The following N4BP2 variants were observed in gnomAD, a reference collection of about 807,000 sequenced individuals.
The protein encoded by N4BP2 is NEDD4-binding protein 2.
Under a neutral mutation model 152.8 loss-of-function variants are expected in N4BP2, and 91 were observed. The ratio of observed to expected loss-of-function variants is 0.60; its 90% confidence interval spans 0.50 to 0.71. N4BP2 has a LOEUF of 0.71. Ranked by LOEUF, N4BP2 falls within the 30% of genes least tolerant of loss-of-function variation. N4BP2 has a pLI of 0.00. For missense variants in N4BP2, 1,923 were observed against 2,059.1 expected, an observed-to-expected ratio of 0.93 and a Z score of 1.28; for synonymous variants, 646 against 705.3, an observed-to-expected ratio of 0.92 and a Z score of 1.33.
At chr4:40,088,381 C>T (rs772757020) in intron 2 of N4BP2, among the ~76,000 whole-genome samples, 2 of 152,090 alleles carry the variant, frequency 1.3e-5, no homozygotes, top group Non-Finnish European at 2.9e-5. Context: ...AGTGACTGTA[C>T]CATTTTACAT....
the N4BP2 span, among the ~76,000 whole-genome samples, chr4:40,169,340 C>T: frequency 6.7e-6 from 1 of 150,122 alleles, no homozygotes; most frequent in African/African-American, 2.5e-5. Flanking sequence ...TGAGATCGCT[C>T]CACTGCACGC....
chr4:40,122,272 A>T lies in N4BP2; in HGVS notation c.4161A>T (p.Gln1387His). 6.3e-7 allele frequency: 1 copy of T among 1,589,950 alleles called. No homozygotes were observed. The highest frequency in any genetic ancestry group is 8.6e-7 in the Non-Finnish European group (1 of 1,166,346). The part of the protein sequence containing the change: ...ELALPPELAF[Q>H]LNELFGPVGI... ...CATTACCCCCTGAACTGGCTTTTCA[A>T]CTTAATGAATTATTTGGTCCTGTTG... The change falls in exon 9 of 18, where the codon CAA (glutamine) becomes CAT (histidine). Residue 1387 changes from glutamine to histidine, a missense_variant. Transcript: ENST00000261435.
rs1395811601 is a variant in N4BP2, at chr4:40,056,857, C to G, written c.-385C>G. ...GGCCGGACGGAGAGCGGCAGTGTCT[C>G]CCCGCCGGGCGCGCTCGCCGTGTCT... On this transcript the variant is annotated 5_prime_UTR_variant, in exon 1 of 18. Coordinates refer to ENST00000261435, the MANE Select transcript of N4BP2 (RefSeq NM_018177.6). The G allele has an allele frequency of 6.6e-6, 1 of 152,024 alleles. No individual in the cohort carries two copies. The highest frequency in any genetic ancestry group is 2.4e-5 in the African/African-American group (1 of 41,436). The allele number at this position is 152,024 out of a possible 1,614,324, so 9.4% of individuals were successfully genotyped here. A position where few individuals can be genotyped will look rare whatever the true frequency, so the allele number is the denominator to read the frequency against.
intron 15 of N4BP2, among the ~76,000 whole-genome samples, chr4:40,143,183 G>A (rs1013009387): frequency 5.9e-5 from 9 of 152,112 alleles, no homozygotes; most frequent in African/African-American, 2.2e-4. Flanking sequence ...AAGGGGTTTT[G>A]TGCCTTCTGT....
chr4:40,159,092 A>T (rs1000890718), downstream of N4BP2, among the ~76,000 whole-genome samples: 1 of 152,226 alleles, frequency 6.6e-6, no homozygotes, highest in Non-Finnish European at 1.5e-5. Flanking sequence ...GAATAAAGCC[A>T]CATAGACTTA....
At chr4:40,062,182 G>A (rs529735646) in intron 1 of N4BP2, among the ~76,000 whole-genome samples, 79 of 150,768 alleles carry the variant, frequency 5.2e-4, no homozygotes, top group Admixed American at 8.6e-4. Flanking sequence ...GGGTTCAAGC[G>A]ATTCTCCTGC....
chr4:40,160,267 C>T (rs138796419), downstream of N4BP2, among the ~76,000 whole-genome samples: 299 of 152,286 alleles, frequency 2.0e-3, no homozygotes, highest in African/African-American at 6.8e-3. Flanking sequence ...TACATTAGCC[C>T]GCCCTATTTA....
intron 6 of N4BP2, 21 bp downstream of exon 6, chr4:40,112,193 TA>T: frequency 3.0e-6 from 4 of 1,342,670 alleles, no homozygotes; most frequent in Non-Finnish European, 1.0e-6. Context: ...TAAGTTGTCA[TA>T]AGTTTATAAC....
intron 13 of N4BP2, among the ~76,000 whole-genome samples, chr4:40,134,790 T>A (rs1299188101): frequency 6.6e-6 from 1 of 152,108 alleles, no homozygotes; most frequent in African/African-American, 2.4e-5. Flanking sequence ...AATTGAAGAA[T>A]AGCAAAATAC....
chr4:40,077,279 T>C (rs1295264877), intron 2 of N4BP2, among the ~76,000 whole-genome samples: 2 of 150,534 alleles, frequency 1.3e-5, no homozygotes, highest in African/African-American at 4.9e-5. Flanking sequence ...TCCTGAGTAG[T>C]TGGGACTACA....
intron 16 of N4BP2, among the ~76,000 whole-genome samples, chr4:40,149,084 G>A (rs987274073): frequency 6.6e-6 from 1 of 152,118 alleles, no homozygotes; most frequent in Non-Finnish European, 1.5e-5. Flanking sequence ...ATAATTAACC[G>A]TATGACCCAG....
At position 40,106,729 on chromosome 4, in the gene N4BP2, A is replaced by G. The variant is rs571456036; in HGVS notation, c.1374-171A>G. On this transcript the variant is annotated intron_variant, in intron 4 of 17. Transcript: ENST00000261435. Reference sequence around the variant, plus strand: ...GTACCTGGCTAATTTTTGTATGTTTAGTAGAGATGGGATTTCACCATGTTG... The same window carrying G: ...GTACCTGGCTAATTTTTGTATGTTTGGTAGAGATGGGATTTCACCATGTTG... 6.4e-4 allele frequency among the ~76,000 whole-genome samples: 98 copies of G among 151,994 alleles called. 1 individual carries two copies. The highest frequency in any genetic ancestry group is 2.3e-3 in the African/African-American group (94 of 41,478).
chr4:40,101,002 G>A (rs1396345204), intron 3 of N4BP2, among the ~76,000 whole-genome samples: 4 of 152,158 alleles, frequency 2.6e-5, no homozygotes, highest in Non-Finnish European at 4.4e-5. Flanking sequence ...CTTCTAGGGA[G>A]AGCCAAGCCT....
At chr4:40,096,657 A>G (rs1473142442) in intron 2 of N4BP2, among the ~76,000 whole-genome samples, 1 of 152,216 alleles carries the variant, frequency 6.6e-6, no homozygotes, top group Non-Finnish European at 1.5e-5. Flanking sequence ...ACTTATAGTA[A>G]TTCAGGCAAG....
At chr4:40,136,514 G>C (rs773176767) in intron 13 of N4BP2, among the ~76,000 whole-genome samples, 1 of 152,096 alleles carries the variant, frequency 6.6e-6, no homozygotes, top group Admixed American at 6.5e-5. Flanking sequence ...AGCCTCCCGA[G>C]TAGCTGGGAT....
chr4:40,087,894 C>T (rs1714140423), intron 2 of N4BP2, among the ~76,000 whole-genome samples: 1 of 152,042 alleles, frequency 6.6e-6, no homozygotes, highest in South Asian at 2.1e-4. Flanking sequence ...GCCACAATGC[C>T]CAGCTAATTT....
intron 7 of N4BP2, among the ~76,000 whole-genome samples, chr4:40,114,890 T>C (rs1447533531): frequency 2.0e-5 from 3 of 152,192 alleles, no homozygotes; most frequent in Non-Finnish European, 2.9e-5. Context: ...GCAATTATAG[T>C]AGTCTCTTAC....
At chr4:40,169,880 C>T in the N4BP2 span, among the ~76,000 whole-genome samples, 1 of 150,408 alleles carries the variant, frequency 6.6e-6, no homozygotes, top group Admixed American at 6.6e-5. Flanking sequence ...CAGAGAATTG[C>T]TTGAACCTGG....
chr4:40,117,072 T>A (rs1242254444), intron 7 of N4BP2, among the ~76,000 whole-genome samples: 2 of 152,230 alleles, frequency 1.3e-5, no homozygotes, highest in Non-Finnish European at 2.9e-5. Context: ...CTTATTTTTT[T>A]ATCTTGTTTG....
Sources: gnomAD v4.1 joint callset for allele counts (sites outside exome capture counted in the v4.1 genomes callset) on GRCh38, gnomAD v4.1.1 for gene constraint, MANE v1.5 for transcripts, NCBI Gene and HGNC (gene_info 2026-07-23, HGNC 2026-07-21) for gene names.